CCSER1: variants seen among roughly 807,000 people sequenced by gnomAD.
CCSER1 encodes coiled-coil serine rich protein 1.
A neutral mutation model predicts 82.0 loss-of-function variants in CCSER1; 41 were observed. The ratio of observed to expected loss-of-function variants is 0.50; its 90% CI spans 0.39 to 0.65. The LOEUF is 0.65. Ranked by LOEUF, CCSER1 falls within the 30% of genes least tolerant of loss-of-function variation. The probability of loss-of-function intolerance (pLI) is 0.00; values close to 1 mark genes in which losing one functional copy is unlikely to be tolerated. For synonymous variants in CCSER1, 414 were observed against 383.9 expected (o/e 1.08, Z -0.92); for missense variants, 1,119 against 1,064.2 (o/e 1.05, Z -0.72).
chr4:90,207,834 A>T (rs1317432029), intron 1 of CCSER1, among the ~76,000 whole-genome samples: 2 of 152,212 alleles, frequency 1.3e-5, no homozygotes, highest in African/African-American at 4.8e-5. Flanking sequence ...GAGGCTGCAG[A>T]ACAGCAAAGA....
At chr4:90,483,047 T>C (rs1578715268) in intron 5 of CCSER1, among the ~76,000 whole-genome samples, 1 of 152,228 alleles carries the variant, frequency 6.6e-6, no homozygotes, top group African/African-American at 2.4e-5. Flanking sequence ...TTTATGAATC[T>C]GAGTGCTCCT....
chr4:90,834,434 C>T (rs1761527281), intron 8 of CCSER1, among the ~76,000 whole-genome samples: 1 of 152,216 alleles, frequency 6.6e-6, no homozygotes, highest in South Asian at 2.1e-4. Flanking sequence ...ATACAATCTC[C>T]CTCTTCCTGT....
intron 1 of CCSER1, among the ~76,000 whole-genome samples, chr4:90,146,667 T>A (rs1209781081): frequency 3.9e-5 from 6 of 152,146 alleles, no homozygotes; most frequent in African/African-American, 1.4e-4. Context: ...CTAATTTTGA[T>A]ACAATTGGAT....
intron 6 of CCSER1, among the ~76,000 whole-genome samples, chr4:90,654,033 C>A (rs1284693686): frequency 6.6e-6 from 1 of 152,020 alleles, no homozygotes; most frequent in Non-Finnish European, 1.5e-5. Flanking sequence ...ACCATCAGAT[C>A]TCATGAGAAT....
At chr4:90,184,507 T>A (rs571920551) in intron 1 of CCSER1, among the ~76,000 whole-genome samples, 2 of 152,156 alleles carry the variant, frequency 1.3e-5, no homozygotes, top group South Asian at 4.2e-4. Flanking sequence ...CTCAGACAAA[T>A]GATATTTTGA....
At chr4:90,409,606 G>A (rs1470404353) in intron 4 of CCSER1, among the ~76,000 whole-genome samples, 2 of 152,106 alleles carry the variant, frequency 1.3e-5, no homozygotes, top group East Asian at 1.9e-4. Flanking sequence ...CACCAGACCT[G>A]CCCTAAAAGT....
intron 9 of CCSER1, among the ~76,000 whole-genome samples, chr4:91,009,776 C>A (rs1204158960): frequency 2.0e-5 from 3 of 152,068 alleles, no homozygotes; most frequent in African/African-American, 7.2e-5. Context: ...CATACAAAAC[C>A]TCTAGATTTT....
intron 5 of CCSER1, among the ~76,000 whole-genome samples, chr4:90,563,684 G>C (rs944193689): frequency 6.6e-6 from 1 of 152,208 alleles, no homozygotes; most frequent in South Asian, 2.1e-4. Context: ...ATTCATTCAT[G>C]TATTGATGGA....
intron 9 of CCSER1, among the ~76,000 whole-genome samples, chr4:91,039,827 C>T (rs766005567): frequency 6.6e-6 from 1 of 151,908 alleles, no homozygotes; most frequent in Non-Finnish European, 1.5e-5. Context: ...GCAATTGTAT[C>T]TATAAGGACA....
intron 8 of CCSER1, among the ~76,000 whole-genome samples, chr4:90,902,312 G>A (rs1724779031): frequency 6.6e-6 from 1 of 151,682 alleles, no homozygotes; most frequent in Non-Finnish European, 1.5e-5. Context: ...ATTTTGGTTA[G>A]GATCCATTGC....
At chr4:90,777,240 C>G (rs1753032647) in intron 7 of CCSER1, among the ~76,000 whole-genome samples, 1 of 150,978 alleles carries the variant, frequency 6.6e-6, no homozygotes, top group African/African-American at 2.4e-5. Context: ...GCCTGTAATC[C>G]CAGCTACTTG....
intron 3 of CCSER1, among the ~76,000 whole-genome samples, chr4:90,382,470 CT>C (rs1193757529): frequency 6.6e-6 from 1 of 152,022 alleles, no homozygotes; most frequent in African/African-American, 2.4e-5. Context: ...TACTTCCAAA[CT>C]ACTCATGTTT....
At chr4:91,576,141 C>G (rs1763441807) in intron 10 of CCSER1, among the ~76,000 whole-genome samples, 1 of 151,262 alleles carries the variant, frequency 6.6e-6, no homozygotes, top group Admixed American at 6.6e-5. Context: ...GAAATGTGAT[C>G]TATCTATCTA....
intron 10 of CCSER1, among the ~76,000 whole-genome samples, chr4:91,110,635 T>G (rs1333150244): frequency 1.3e-5 from 2 of 152,056 alleles, no homozygotes; most frequent in African/African-American, 4.8e-5. Context: ...TTTGTTTATC[T>G]CTGTCAGTCT....
rs72475346 is a variant in CCSER1, at chr4:91,296,449, T to TTATATATATATATA, written c.2217+210459_2217+210472dup. ...CTGGTGTAAACAGAAGTGTCTAACA[T>TTATATATATATATA]TATATATATATATATATGTATATAT... On this transcript the variant is annotated intron_variant, in intron 10 of 10. Transcript: ENST00000509176. Among the ~76,000 whole-genome samples the TTATATATATATATA allele has an allele frequency of 6.0e-4, 56 of 94,066 alleles. 1 individual carries two copies. Among genetic ancestry groups the TTATATATATATATA allele is most frequent in the African/African-American group, 2.4e-3 (44 of 17,992 alleles). 61.7% of individuals were successfully genotyped at this position (94,066 alleles called of 152,430 possible).
chr4:91,393,883 A>G (rs1751811228), intron 10 of CCSER1, among the ~76,000 whole-genome samples: 1 of 152,112 alleles, frequency 6.6e-6, no homozygotes, highest in Non-Finnish European at 1.5e-5. Flanking sequence ...AGAGTCAACT[A>G]AATGAGGTTT....
At chr4:91,091,991 C>T (rs983298082) in intron 10 of CCSER1, among the ~76,000 whole-genome samples, 9 of 152,204 alleles carry the variant, frequency 5.9e-5, no homozygotes, top group South Asian at 2.1e-4. Context: ...GAAGTCCTCG[C>T]GGTATAGGAG....
At chr4:91,336,630 C>T (rs1319391765) in intron 10 of CCSER1, among the ~76,000 whole-genome samples, 1 of 151,896 alleles carries the variant, frequency 6.6e-6, no homozygotes, top group African/African-American at 2.4e-5. Flanking sequence ...TTGAAATTGT[C>T]ATATATACAA....
intron 10 of CCSER1, among the ~76,000 whole-genome samples, chr4:91,287,572 G>A (rs1581907511): frequency 6.6e-6 from 1 of 151,914 alleles, no homozygotes; most frequent in African/African-American, 2.4e-5. Flanking sequence ...AATCTGTCTG[G>A]TAAGGTTGCT....
Sources: allele counts gnomAD v4.1 joint callset (sites outside exome capture counted in the v4.1 genomes callset), GRCh38; gene constraint gnomAD v4.1.1; transcripts MANE v1.5; gene names NCBI Gene and HGNC (gene_info 2026-07-23, HGNC 2026-07-21).